INTS15: variants seen among roughly 807,000 people sequenced by gnomAD.
INTS15 encodes integrator complex subunit 15.
At chr7:6,601,303 AT>A in the INTS15 span, among the ~76,000 whole-genome samples, 6 of 143,504 alleles carry the variant, frequency 4.2e-5, no homozygotes, top group African/African-American at 7.7e-5. Context: ...TTATTCATTT[AT>A]TTTTTTTTTG....
chr7:6,590,451 C>A, the INTS15 span: 1 of 1,596,062 alleles, frequency 6.3e-7, no homozygotes, highest in East Asian at 2.3e-5. Context: ...TCCAGGTGCC[C>A]AAGGAGCGCA....
the INTS15 span, among the ~76,000 whole-genome samples, chr7:6,591,273 T>C: frequency 8.6e-5 from 13 of 150,388 alleles, no homozygotes; most frequent in Admixed American, 4.0e-4. Flanking sequence ...TTTTTCTTTT[T>C]TTTTTTTTTT....
chr7:6,600,236 A>G, the INTS15 span: 7 of 1,614,092 alleles, frequency 4.3e-6, no homozygotes, highest in Non-Finnish European at 5.9e-6. Flanking sequence ...AGAGGAGATC[A>G]ACAGGTTGGC....
the INTS15 span, chr7:6,594,513 C>A: frequency 6.2e-7 from 1 of 1,614,140 alleles, no homozygotes; most frequent in South Asian, 1.1e-5. Flanking sequence ...GGGATCCATT[C>A]AGACGCTGAA....
At chr7:6,591,031 G>A in the INTS15 span, among the ~76,000 whole-genome samples, 2 of 151,596 alleles carry the variant, frequency 1.3e-5, no homozygotes, top group African/African-American at 4.8e-5. Context: ...TAGAGATGGG[G>A]CCTCCCTGTG....
At chr7:6,593,524 C>T in the INTS15 span, among the ~76,000 whole-genome samples, 6 of 151,648 alleles carry the variant, frequency 4.0e-5, no homozygotes, top group East Asian at 5.8e-4. Context: ...TTAGTAGAGA[C>T]GGGGTTTCAC....
the INTS15 span, chr7:6,590,253 C>G: frequency 6.8e-7 from 1 of 1,474,858 alleles, no homozygotes; most frequent in Non-Finnish European, 8.9e-7. Context: ...AAGTGAGACG[C>G]GCTCGGCGCG....
the INTS15 span, among the ~76,000 whole-genome samples, chr7:6,593,985 C>T: frequency 5.0e-5 from 7 of 140,466 alleles, no homozygotes; most frequent in Admixed American, 4.4e-4. Flanking sequence ...ACCCCTGCTT[C>T]AGTGTAAGCC....
At chr7:6,601,922 G>C in the INTS15 span, among the ~76,000 whole-genome samples, 1 of 152,182 alleles carries the variant, frequency 6.6e-6, no homozygotes, top group Non-Finnish European at 1.5e-5. Context: ...CTCCCAAAGT[G>C]CTGGGAATAC....
the INTS15 span, among the ~76,000 whole-genome samples, chr7:6,595,277 C>G: frequency 6.6e-6 from 1 of 152,302 alleles, no homozygotes; most frequent in East Asian, 1.9e-4. Context: ...GCAATTCTCC[C>G]TCAGCCTCCT....
At chr7:6,608,072 G>GGCCCCCCC in the INTS15 span, 25 of 1,580,414 alleles carry the variant, frequency 1.6e-5, no homozygotes, top group Non-Finnish European at 2.0e-5. Flanking sequence ...GGCTGTCCCG[G>GGCCCCCCC]CCCACCCCGC....
the INTS15 span, among the ~76,000 whole-genome samples, chr7:6,598,018 G>A: frequency 6.6e-6 from 1 of 152,324 alleles, no homozygotes; most frequent in South Asian, 2.1e-4. Context: ...ACATGCCAAC[G>A]TGTATGATGA....
At chr7:6,607,813 C>T in the INTS15 span, 11 of 1,493,166 alleles carry the variant, frequency 7.4e-6, no homozygotes, top group East Asian at 2.5e-5. The surrounding 1 kb of genome is among the most constrained non-coding windows in gnomAD (Gnocchi z 6.0). Context: ...ACTGCTTCTC[C>T]GTGTCCACCG....
chr7:6,608,590 G>A, the INTS15 span: 2 of 992,238 alleles, frequency 2.0e-6, no homozygotes, highest in Non-Finnish European at 2.5e-6. Flanking sequence ...AGGCTGCGTA[G>A]TGACCACAAG....
chr7:6,600,721 G>A, the INTS15 span, among the ~76,000 whole-genome samples: 1 of 152,094 alleles, frequency 6.6e-6, no homozygotes, highest in East Asian at 1.9e-4. Flanking sequence ...GCAGTGGCAC[G>A]ATCTCAACTC....
chr7:6,592,088 A>G, the INTS15 span, among the ~76,000 whole-genome samples: 4 of 151,630 alleles, frequency 2.6e-5, no homozygotes, highest in Non-Finnish European at 4.4e-5. Context: ...GGAGAATCAC[A>G]TGAACCCGGG....
At chr7:6,596,963 A>G in the INTS15 span, among the ~76,000 whole-genome samples, 105 of 152,074 alleles carry the variant, frequency 6.9e-4, no homozygotes, top group Middle Eastern at 6.8e-3. Context: ...TATTTTTAGT[A>G]GAGATGGGGT....
At chr7:6,602,401 G>C in the INTS15 span, 1 of 495,348 alleles carries the variant, frequency 2.0e-6, no homozygotes, top group Non-Finnish European at 3.6e-6. Flanking sequence ...CCTGTTGAGT[G>C]GTGGGTGTGG....
chr7:6,592,950 T>C, the INTS15 span, among the ~76,000 whole-genome samples: 1 of 152,172 alleles, frequency 6.6e-6, no homozygotes, highest in African/African-American at 2.4e-5. Flanking sequence ...AGTACTGCTG[T>C]AAACACACAT....
Sources: gnomAD v4.1 joint callset for allele counts (sites outside exome capture counted in the v4.1 genomes callset) on GRCh38, gnomAD v4.1.1 for gene constraint, Gnocchi (gnomAD v3.1) non-coding constraint, MANE v1.5 for transcripts, NCBI Gene and HGNC (gene_info 2026-07-23, HGNC 2026-07-21) for gene names.